Variants in CTNNA2 observed in about 807,000 individuals in gnomAD.
CTNNA2 encodes the protein catenin alpha-2.
CTNNA2 carries 42 observed loss-of-function variants against 101.0 expected under a neutral mutation model. The ratio of observed to expected loss-of-function variants is 0.42; its 90% CI spans 0.32 to 0.54. The LOEUF (loss-of-function observed/expected upper bound fraction) is 0.54, where lower values mean the gene tolerates loss of function less well. Among genes scored for constraint, CTNNA2 ranks in the 20% least tolerant of loss-of-function variants. The pLI is 0.14. For missense variants in CTNNA2, 871 were observed against 1,223.1 expected, an observed-to-expected ratio of 0.71 and a Z score of 4.29; for synonymous variants, 450 against 456.4, an observed-to-expected ratio of 0.99 and a Z score of 0.18.
At position 79,256,830 on chromosome 2, in the gene CTNNA2, G is replaced by A. The variant is rs185082015; in HGVS notation, c.-405-55879G>A. 6.6e-5 allele frequency among the ~76,000 whole-genome samples: 10 copies of A among 152,268 alleles called. 1 individual carries two copies. Among genetic ancestry groups the A allele is most frequent in the Admixed American group, 4.6e-4 (7 of 15,298 alleles). ...GAAAATGAGGATCATGATAATAATAGTTAATTGTTTGAAAGTTTCAAGATT... is the reference window on the plus strand; with the variant it reads ...GAAAATGAGGATCATGATAATAATAATTAATTGTTTGAAAGTTTCAAGATT... On this transcript the variant is annotated intron_variant, in intron 2 of 21. Transcript: ENST00000466387.
intron 3 of CTNNA2, among the ~76,000 whole-genome samples, chr2:79,779,871 C>A (rs1674290217): frequency 6.6e-6 from 1 of 152,132 alleles, no homozygotes. Context: ...CAAAGTTAAC[C>A]TGAAAAACTA....
intron 2 of CTNNA2, among the ~76,000 whole-genome samples, chr2:79,282,379 G>T (rs952252987): frequency 6.6e-6 from 1 of 151,990 alleles, no homozygotes; most frequent in African/African-American, 2.4e-5. Flanking sequence ...CTAGCATTAG[G>T]TATATCTCCC....
intron 18 of CTNNA2, among the ~76,000 whole-genome samples, chr2:80,623,113 G>T (rs1671314160): frequency 6.7e-6 from 1 of 148,204 alleles, no homozygotes; most frequent in Non-Finnish European, 1.5e-5. Flanking sequence ...GAAAAATGAT[G>T]AGGATGACAA....
At chr2:80,412,566 G>A (rs139722818) in intron 8 of CTNNA2, among the ~76,000 whole-genome samples, 1 of 152,126 alleles carries the variant, frequency 6.6e-6, no homozygotes, top group Non-Finnish European at 1.5e-5. Flanking sequence ...TTCACCAAAA[G>A]GTGATTTGGT....
Position 79,357,404 on chromosome 2 carries a change from A to G in CTNNA2, c.-317-16427A>G, listed in dbSNP as rs546107757. On this transcript the variant is annotated intron_variant, in intron 3 of 21. Transcript: ENST00000466387. ...GTGAAAATACAGTTATTAAACTGGA[A>G]AATAGATCAGTAGAAAATTCTTGGA... Among the ~76,000 whole-genome samples, 7 of 152,318 alleles carry G rather than the reference A, an allele frequency of 4.6e-5. No homozygotes were observed. In the South Asian group the frequency reaches 1.2e-3, roughly 27 times the overall value.
chr2:80,336,668 T>A (rs1233688098), intron 7 of CTNNA2, among the ~76,000 whole-genome samples: 1 of 152,222 alleles, frequency 6.6e-6, no homozygotes, highest in Non-Finnish European at 1.5e-5. Flanking sequence ...ACATGCTACA[T>A]TTTACTTAAA....
intron 2 of CTNNA2, among the ~76,000 whole-genome samples, chr2:79,309,309 T>G (rs564576399): frequency 1.0e-3 from 152 of 152,298 alleles, no homozygotes; most frequent in Non-Finnish European, 1.5e-3. Flanking sequence ...ACTGATAGAT[T>G]TTTAATATTA....
intron 18 of CTNNA2, among the ~76,000 whole-genome samples, chr2:80,621,561 T>C (rs902506410): frequency 6.6e-6 from 1 of 152,000 alleles, no homozygotes. Context: ...GGAAGACCGA[T>C]TCATGTTTTA....
chr2:80,198,204 T>C (rs1245234541), intron 7 of CTNNA2, among the ~76,000 whole-genome samples: 1 of 152,168 alleles, frequency 6.6e-6, no homozygotes, highest in East Asian at 1.9e-4. Flanking sequence ...AATTCAAGTA[T>C]GACACCAGAG....
chr2:80,620,755 T>C (rs967284955), intron 18 of CTNNA2, among the ~76,000 whole-genome samples: 1 of 151,898 alleles, frequency 6.6e-6, no homozygotes, highest in Non-Finnish European at 1.5e-5. Flanking sequence ...TGTCTAATCA[T>C]AGCTCAAGTT....
chr2:79,485,008 G>A (rs1671143955), intron 4 of CTNNA2, among the ~76,000 whole-genome samples: 1 of 152,038 alleles, frequency 6.6e-6, no homozygotes, highest in Non-Finnish European at 1.5e-5. Flanking sequence ...CATAGAAAGA[G>A]CTAGAAATAA....
At chr2:79,966,543 G>A (rs1438183499) in intron 7 of CTNNA2, among the ~76,000 whole-genome samples, 1 of 152,088 alleles carries the variant, frequency 6.6e-6, no homozygotes, top group East Asian at 1.9e-4. Flanking sequence ...GCCTGTAACT[G>A]GGACCTTTAC....
At chr2:79,794,310 A>G (rs1032630454) in intron 3 of CTNNA2, among the ~76,000 whole-genome samples, 6 of 152,128 alleles carry the variant, frequency 3.9e-5, no homozygotes, top group Non-Finnish European at 7.4e-5. Context: ...TTTTGCCATT[A>G]TTTTTAATTC....
chr2:80,045,878 G>C (rs935701192), intron 7 of CTNNA2, among the ~76,000 whole-genome samples: 1 of 152,050 alleles, frequency 6.6e-6, no homozygotes, highest in Non-Finnish European at 1.5e-5. Context: ...TATTTTTTCA[G>C]TTTAATCAAC....
upstream of CTNNA2, among the ~76,000 whole-genome samples, chr2:79,508,137 GA>G (rs1042928718): frequency 2.0e-5 from 3 of 152,120 alleles, no homozygotes; most frequent in African/African-American, 7.2e-5. Context: ...ACACAAATAT[GA>G]ACACAAGGCT....
At chr2:79,803,208 T>A (rs113893158) in intron 3 of CTNNA2, among the ~76,000 whole-genome samples, 3,100 of 152,260 alleles carry the variant, frequency 0.02, 92 homozygotes, top group African/African-American at 0.07. Flanking sequence ...GAAAAAAATG[T>A]GTGCTTAATA....
At chr2:79,912,022 G>A (rs76789478) in intron 7 of CTNNA2, among the ~76,000 whole-genome samples, 2,318 of 152,278 alleles carry the variant, frequency 0.015, 170 homozygotes, top group Admixed American at 0.12. Flanking sequence ...TCAGTCTATC[G>A]TTCCTGGGCT....
intron 3 of CTNNA2, among the ~76,000 whole-genome samples, chr2:79,791,823 C>T (rs149321281): frequency 1.3e-5 from 2 of 152,112 alleles, no homozygotes; most frequent in African/African-American, 4.8e-5. Context: ...AATTCAAACC[C>T]ATGTGCAGCA....
Position 80,384,224 on chromosome 2 carries a change from T to C in CTNNA2, c.1057-8987T>C, listed in dbSNP as rs370985933. Among the ~76,000 whole-genome samples, 120 of 152,132 alleles carry C rather than the reference T, an allele frequency of 7.9e-4. 1 individual carries two copies. The highest frequency in any genetic ancestry group is 2.1e-3 in the African/African-American group (89 of 41,532). Reference sequence around the variant, plus strand: ...AAAAATATATATCAGGTACTATGCTTAGTGTCTAGTGACAAAATAATTCTT... The same window carrying C: ...AAAAATATATATCAGGTACTATGCTCAGTGTCTAGTGACAAAATAATTCTT... On this transcript the variant is annotated intron_variant, in intron 7 of 18. Coordinates refer to ENST00000402739, the MANE Select transcript of CTNNA2 (RefSeq NM_001282597.3).
Sources: gnomAD v4.1 joint callset for allele counts (sites outside exome capture counted in the v4.1 genomes callset) on GRCh38, gnomAD v4.1.1 for gene constraint, MANE v1.5 for transcripts, NCBI Gene and HGNC (gene_info 2026-07-23, HGNC 2026-07-21) for gene names.